Variants in STPG2 observed in about 807,000 individuals in gnomAD.
STPG2 encodes sperm-tail PG-rich repeat-containing protein 2.
Under a neutral mutation model 54.2 loss-of-function variants are expected in STPG2, and 56 were observed. The ratio of observed to expected loss-of-function variants is 1.03; its 90% CI spans 0.83 to 1.29. STPG2 has a LOEUF of 1.29. STPG2 is among the 50% of genes most tolerant of loss of function. The pLI is 0.00. For synonymous variants in STPG2, 200 were observed against 181.8 expected (o/e 1.10, Z -0.81); for missense variants, 596 against 544.9 (o/e 1.09, Z -0.93).
rs57282816 is a variant in STPG2, at chr4:97,885,411, C to T, written c.1045-44479G>A. On this transcript the variant is annotated intron_variant, in intron 8 of 10. Transcript: ENST00000295268. ...CCACTTTCTAAATATCACGTGTTAC[C>T]ATAGTCAAACTCTTACCTAAAGACA... Among the ~76,000 whole-genome samples, 528 of 152,254 alleles carry T rather than the reference C, an allele frequency of 3.5e-3. 4 individuals are homozygous for T. Among genetic ancestry groups the T allele is most frequent in the African/African-American group, 0.012 (508 of 41,550 alleles).
At chr4:97,509,145 AG>A (rs1401904008) in intron 4 of STPG2, among the ~76,000 whole-genome samples, 1 of 151,976 alleles carries the variant, frequency 6.6e-6, no homozygotes, top group Non-Finnish European at 1.5e-5. Context: ...ATGTCTCTCC[AG>A]GGTTTCGATT....
At chr4:97,705,716 C>A (rs969257071) in intron 10 of STPG2, among the ~76,000 whole-genome samples, 1 of 151,764 alleles carries the variant, frequency 6.6e-6, no homozygotes, top group Non-Finnish European at 1.5e-5. Context: ...CACCTATTAA[C>A]AAATAATAAT....
intron 8 of STPG2, among the ~76,000 whole-genome samples, chr4:97,851,050 G>A (rs11097582): frequency 0.39 from 59,913 of 151,824 alleles, 11,948 homozygotes; most frequent in Middle Eastern, 0.46. Flanking sequence ...TAATCCTTTG[G>A]GTCTCAAATC....
intron 5 of STPG2, among the ~76,000 whole-genome samples, chr4:98,056,755 T>C (rs1348627655): frequency 1.3e-5 from 2 of 152,152 alleles, no homozygotes; most frequent in African/African-American, 4.8e-5. Context: ...GGTTGGATCA[T>C]GGGGGCAGAC....
intron 9 of STPG2, among the ~76,000 whole-genome samples, chr4:97,738,584 T>A (rs1725107324): frequency 6.6e-6 from 1 of 151,992 alleles, no homozygotes; most frequent in Non-Finnish European, 1.5e-5. Context: ...AAAACAGACT[T>A]CAAACCAACA....
intron 8 of STPG2, among the ~76,000 whole-genome samples, chr4:97,894,724 C>T (rs1276134160): frequency 1.3e-5 from 2 of 151,882 alleles, no homozygotes; most frequent in Non-Finnish European, 2.9e-5. Context: ...CTTCCTTGAT[C>T]TAAATTTATG....
At chr4:97,884,901 G>A (rs1357666174) in intron 8 of STPG2, among the ~76,000 whole-genome samples, 1 of 151,728 alleles carries the variant, frequency 6.6e-6, no homozygotes, top group East Asian at 1.9e-4. Context: ...GTATCATAAT[G>A]ACCAAAAAAA....
At chr4:97,703,774 T>G (rs1452497915) in intron 10 of STPG2, among the ~76,000 whole-genome samples, 2 of 145,806 alleles carry the variant, frequency 1.4e-5, no homozygotes, top group Non-Finnish European at 3.0e-5. Context: ...CATAGTATAT[T>G]TGTGTGTGTG....
chr4:97,973,330 A>C (rs1423146915), intron 6 of STPG2, among the ~76,000 whole-genome samples: 3 of 152,134 alleles, frequency 2.0e-5, no homozygotes, highest in Non-Finnish European at 4.4e-5. Context: ...TGAACTGGAG[A>C]GACATGATTT....
intron 10 of STPG2, among the ~76,000 whole-genome samples, chr4:97,612,087 G>C (rs190078378): frequency 6.6e-6 from 1 of 151,356 alleles, no homozygotes; most frequent in African/African-American, 2.4e-5. Context: ...ATCAAGAAAA[G>C]AATTTAATAA....
chr4:97,860,171 A>G (rs970165293), intron 8 of STPG2, among the ~76,000 whole-genome samples: 1 of 152,120 alleles, frequency 6.6e-6, no homozygotes, highest in Non-Finnish European at 1.5e-5. Flanking sequence ...GATGCCTCCA[A>G]ATTAGTTCCT....
intron 9 of STPG2, among the ~76,000 whole-genome samples, chr4:97,749,375 ACT>A (rs1376669530): frequency 1.3e-5 from 2 of 151,618 alleles, no homozygotes; most frequent in African/African-American, 4.8e-5. Context: ...CCCATTATTC[ACT>A]GTTTTATTCT....
intron 8 of STPG2, among the ~76,000 whole-genome samples, chr4:97,925,748 T>C (rs1365649521): frequency 6.6e-6 from 1 of 152,214 alleles, no homozygotes; most frequent in African/African-American, 2.4e-5. Context: ...GTGTTTTTAC[T>C]ATCTTCAGGA....
intron 7 of STPG2, among the ~76,000 whole-genome samples, chr4:97,963,022 G>A (rs775877068): frequency 3.9e-5 from 6 of 152,108 alleles, no homozygotes; most frequent in Non-Finnish European, 8.8e-5. Flanking sequence ...AGCCAGGCAT[G>A]GTGGCACACA....
rs577959068 is a variant in STPG2 at position 97,642,628 on chromosome 4, G to A, written c.1320+70071C>T. Among the ~76,000 whole-genome samples, 4 of 151,286 alleles carry A rather than the reference G, an allele frequency of 2.6e-5. No individual in the cohort carries two copies. In the South Asian group the frequency reaches 8.3e-4, roughly 31 times the overall value. ...TATAACTTGTTTTCATAAAGATCAT[G>A]GTAAAATTTTAAGTTGTTTTACTGA... is the stretch of plus-strand genomic sequence containing the variant. On this transcript the variant is annotated intron_variant, in intron 10 of 10. Transcript: ENST00000295268.
chr4:97,771,275 G>A (rs909067388), intron 9 of STPG2, among the ~76,000 whole-genome samples: 1 of 152,080 alleles, frequency 6.6e-6, no homozygotes, highest in Non-Finnish European at 1.5e-5. Flanking sequence ...TTAATATGAA[G>A]AATTATTAAA....
In STPG2 at chr4:97,987,141, C is replaced by T. The variant is rs577239294; in HGVS notation, c.613-5823G>A. On this transcript the variant is annotated intron_variant, in intron 5 of 10. Transcript: ENST00000295268. Reference sequence around the variant, plus strand: ...CCAAAGCACTTCATTAAAAGGCAAGCTGGAACAAACTTAAGAGCAGCAAAA... The same window carrying T: ...CCAAAGCACTTCATTAAAAGGCAAGTTGGAACAAACTTAAGAGCAGCAAAA... Among the ~76,000 whole-genome samples, 6 of 152,176 alleles carry T rather than the reference C, an allele frequency of 3.9e-5. No individual in the cohort carries two copies. The South Asian group carries it at 1.2e-3, about 32-fold the overall frequency.
At chr4:98,132,408 AT>A (rs1254640948) in intron 2 of STPG2, among the ~76,000 whole-genome samples, 2 of 152,004 alleles carry the variant, frequency 1.3e-5, no homozygotes, top group African/African-American at 4.8e-5. Flanking sequence ...TAACTAAAAA[AT>A]GTCATTAACA....
intron 8 of STPG2, among the ~76,000 whole-genome samples, chr4:97,897,174 C>CTT: frequency 6.6e-6 from 1 of 151,978 alleles, no homozygotes; most frequent in African/African-American, 2.4e-5. Context: ...TTTTCTGTTC[C>CTT]TGCAATAGTT....
Sources: allele counts gnomAD v4.1 joint callset (sites outside exome capture counted in the v4.1 genomes callset), GRCh38; gene constraint gnomAD v4.1.1; transcripts MANE v1.5; gene names NCBI Gene and HGNC (gene_info 2026-07-23, HGNC 2026-07-21).